TMLHE: variants seen among roughly 807,000 people sequenced by gnomAD.
The protein encoded by TMLHE is trimethyllysine hydroxylase, epsilon.
TMLHE carries 18 observed loss-of-function variants against 25.7 expected under a neutral mutation model. That is an observed-to-expected ratio of 0.70 (90% CI 0.48 to 1.04). TMLHE has a LOEUF of 1.04. TMLHE is among the 50% of genes least tolerant of loss of function. The probability of loss-of-function intolerance (pLI) is 0.00; values close to 1 mark genes in which losing one functional copy is unlikely to be tolerated. For synonymous variants in TMLHE, 105 were observed against 97.0 expected (o/e 1.08, Z -0.49); for missense variants, 236 against 259.0 (o/e 0.91, Z 0.61).
intron 1 of TMLHE, among the ~76,000 whole-genome samples, chrX:155,604,950 C>A (rs782290713): frequency 4.5e-5 from 5 of 111,790 alleles, no homozygotes; most frequent in Non-Finnish European, 9.4e-5. Context: ...GAAACATTAG[C>A]CCACACACAG....
chrX:155,592,020 A>G (rs2067696316), intron 1 of TMLHE, among the ~76,000 whole-genome samples: 1 of 112,041 alleles, frequency 8.9e-6, no homozygotes, highest in Non-Finnish European at 1.9e-5. Context: ...AGCCTTAAGA[A>G]AGAGGAAAAT....
Position 155,556,393 on chromosome X carries a change from G to A in TMLHE, c.-1-11116C>T, listed in dbSNP as rs181843502. 2.6e-4 allele frequency among the ~76,000 whole-genome samples: 29 copies of A among 111,127 alleles called. No homozygotes were observed. In the East Asian group the frequency reaches 7.9e-3, roughly 30 times the overall value. The stretch of plus-strand genomic sequence containing the variant: ...TTTCTAGTTTCCTAAGCATCGGCTG[G>A]CTTGAGAAATAAAAGGACAGAGTAC... On this transcript the variant is annotated intron_variant, in intron 1 of 7. Coordinates refer to ENST00000334398, the MANE Select transcript of TMLHE (RefSeq NM_018196.4).
chrX:155,548,656 A>T (rs901676498), intron 1 of TMLHE, among the ~76,000 whole-genome samples: 1 of 107,821 alleles, frequency 9.3e-6, no homozygotes, highest in African/African-American at 3.4e-5. Flanking sequence ...AATCGCTTGA[A>T]CCCAGGAGGC....
intron 1 of TMLHE, among the ~76,000 whole-genome samples, chrX:155,582,515 A>G (rs1481117459): frequency 1.8e-5 from 2 of 112,378 alleles, no homozygotes; most frequent in Non-Finnish European, 3.8e-5. Flanking sequence ...TGGGCAACAG[A>G]TATGAAGACA....
intron 4 of TMLHE, among the ~76,000 whole-genome samples, chrX:155,512,284 A>G (rs1385269411): frequency 2.8e-5 from 3 of 107,367 alleles, no homozygotes; most frequent in Non-Finnish European, 5.7e-5. Context: ...ATCATCTAGC[A>G]TTAGGTATAT....
At chrX:155,513,790 AT>A (rs1439951743) in intron 4 of TMLHE, among the ~76,000 whole-genome samples, 195 bp downstream of exon 4, 4 of 111,323 alleles carry the variant, frequency 3.6e-5, no homozygotes, top group African/African-American at 1.3e-4. Context: ...TCATCATTAT[AT>A]TTTACACATA....
intron 2 of TMLHE, among the ~76,000 whole-genome samples, chrX:155,538,068 A>T (rs1402514832): frequency 2.7e-5 from 3 of 111,205 alleles, no homozygotes; most frequent in African/African-American, 9.8e-5. Context: ...ATCTCTTGAA[A>T]TGTATTCCTC....
intron 1 of TMLHE, among the ~76,000 whole-genome samples, chrX:155,592,082 A>G (rs782590598): frequency 8.9e-6 from 1 of 111,920 alleles, no homozygotes; most frequent in Non-Finnish European, 1.9e-5. Context: ...TGTTAAGGGA[A>G]CTAAGCCAGG....
At chrX:155,607,462 A>T (rs963743874) in intron 1 of TMLHE, among the ~76,000 whole-genome samples, 2 of 111,507 alleles carry the variant, frequency 1.8e-5, no homozygotes, top group Non-Finnish European at 3.8e-5. Flanking sequence ...CCCACAGCCA[A>T]CATATACTGA....
intron 1 of TMLHE, among the ~76,000 whole-genome samples, chrX:155,547,721 A>G (rs1366454381): frequency 5.4e-5 from 6 of 110,715 alleles, no homozygotes; most frequent in Admixed American, 2.9e-4. Context: ...GATTGTAAAA[A>G]AAAAAAAAGA....
At chrX:155,572,824 CA>C (rs2067563553) in intron 1 of TMLHE, among the ~76,000 whole-genome samples, 1 of 56,650 alleles carries the variant, frequency 1.8e-5, no homozygotes, top group South Asian at 1.0e-3. Flanking sequence ...ACACCTTATA[CA>C]AAAATTAATT....
chrX:155,593,851 C>T (rs1369444072), intron 1 of TMLHE, among the ~76,000 whole-genome samples: 6 of 104,734 alleles, frequency 5.7e-5, no homozygotes, highest in Non-Finnish European at 1.2e-4. Context: ...AAAAAAAAAA[C>T]AATCAGTGAG....
At chrX:155,556,533 G>C (rs1557340852) in intron 1 of TMLHE, among the ~76,000 whole-genome samples, 1 of 110,110 alleles carries the variant, frequency 9.1e-6, no homozygotes, top group Non-Finnish European at 1.9e-5. Context: ...GTTTCAAAAG[G>C]GGAGGGAGTA....
At chrX:155,585,115 T>C (rs1261067344) in intron 1 of TMLHE, among the ~76,000 whole-genome samples, 6 of 111,351 alleles carry the variant, frequency 5.4e-5, no homozygotes, top group African/African-American at 2.0e-4. Flanking sequence ...AAACCTCACA[T>C]AGCAGTGATA....
At position 155,591,209 on chromosome X, in the gene TMLHE, T is replaced by TAAAG. The variant is rs1179556410; in HGVS notation, c.-2+21579_-2+21582dup. 4.5e-4 allele frequency among the ~76,000 whole-genome samples: 50 copies of TAAAG among 110,892 alleles called. 1 individual carries two copies. The highest frequency in any genetic ancestry group is 1.6e-3 in the African/African-American group (48 of 30,647). On this transcript the variant is annotated intron_variant, in intron 1 of 7. Coordinates refer to ENST00000334398, the MANE Select transcript of TMLHE (RefSeq NM_018196.4). Reference sequence around the variant, plus strand: ...TGAAGAAGAAAGAAACTGATAGAATTAAAGAAAGAAAGAAATAATGCAACA... The same window carrying TAAAG: ...TGAAGAAGAAAGAAACTGATAGAATTAAAGAAAGAAAGAAAGAAATAATGCAACA...
intron 1 of TMLHE, among the ~76,000 whole-genome samples, chrX:155,559,857 C>T (rs1175804035): frequency 1.8e-5 from 2 of 112,132 alleles, no homozygotes; most frequent in Non-Finnish European, 3.8e-5. Flanking sequence ...ATTGTCCATA[C>T]ACTATTGCCA....
chrX:155,600,835 C>T (rs1459247524), intron 1 of TMLHE, among the ~76,000 whole-genome samples: 1 of 111,628 alleles, frequency 9.0e-6, no homozygotes, highest in East Asian at 2.8e-4. Flanking sequence ...GAATGTACGC[C>T]CCAGCCCACA....
intron 1 of TMLHE, among the ~76,000 whole-genome samples, chrX:155,605,203 A>T (rs1228124482): frequency 8.9e-6 from 1 of 112,341 alleles, no homozygotes; most frequent in Non-Finnish European, 1.9e-5. Flanking sequence ...TGAAATGGCC[A>T]TTTTAAGAAA....
chrX:155,590,640 A>G lies in TMLHE; in HGVS notation c.-2+22152T>C, dbSNP rs927979250. ...TTAATCTTCTGTAAACTGTGGTAAA[A>G]TAAGATGCACATTATAAACCCTAGA... On this transcript the variant is annotated intron_variant, in intron 1 of 7. Coordinates refer to ENST00000334398, the MANE Select transcript of TMLHE (RefSeq NM_018196.4). Among the ~76,000 whole-genome samples the G allele has an allele frequency of 9.9e-5, 11 of 111,574 alleles. 1 individual carries two copies. Among genetic ancestry groups the G allele is most frequent in the African/African-American group, 3.6e-4 (11 of 30,789 alleles).
Sources: allele counts gnomAD v4.1 joint callset (sites outside exome capture counted in the v4.1 genomes callset), GRCh38; gene constraint gnomAD v4.1.1; transcripts MANE v1.5; gene names NCBI Gene and HGNC (gene_info 2026-07-23, HGNC 2026-07-21).